The following FHL5 variants were observed in gnomAD, a reference collection of about 807,000 sequenced individuals.
The protein encoded by FHL5 is four and a half LIM domains 5.
A neutral mutation model predicts 32.0 loss-of-function variants in FHL5; 33 were observed. That is an observed-to-expected ratio of 1.03 (90% CI 0.78 to 1.38). The LOEUF (loss-of-function observed/expected upper bound fraction) is 1.38, where lower values mean the gene tolerates loss of function less well. Ranked by LOEUF, FHL5 falls within the 40% of genes most tolerant of loss-of-function variation. The probability of loss-of-function intolerance (pLI) is 0.00; values close to 1 mark genes in which losing one functional copy is unlikely to be tolerated. For synonymous variants in FHL5, 114 were observed against 113.6 expected, an observed-to-expected ratio of 1.00 and a Z score of -0.02; for missense variants, 336 against 343.9, an observed-to-expected ratio of 0.98 and a Z score of 0.18.
intron 1 of FHL5, among the ~76,000 whole-genome samples, chr6:96,582,501 T>G (rs749271344): frequency 1.2e-4 from 18 of 152,210 alleles, no homozygotes; most frequent in Non-Finnish European, 2.2e-4. Flanking sequence ...TACATGATTC[T>G]AAATGTAAAC....
At chr6:96,603,880 T>TTAATATATATATTTTA (rs1771211775) in intron 2 of FHL5, 108 bp downstream of exon 2, 1 of 849,900 alleles carries the variant, frequency 1.2e-6, no homozygotes, top group Admixed American at 2.4e-5. Context: ...TCTCTGCTAC[T>TTAATATATATATTTTA]GGATATATAA....
chr6:96,569,638 C>T (rs1770432508), intron 1 of FHL5, among the ~76,000 whole-genome samples: 1 of 151,860 alleles, frequency 6.6e-6, no homozygotes, highest in Non-Finnish European at 1.5e-5. Flanking sequence ...ACAATTGTTA[C>T]ATCTTCTTGC....
At chr6:96,587,180 A>C (rs1770816422) in intron 1 of FHL5, among the ~76,000 whole-genome samples, 1 of 152,142 alleles carries the variant, frequency 6.6e-6, no homozygotes, top group Non-Finnish European at 1.5e-5. Flanking sequence ...CTTTAGCTGA[A>C]AAACGCACAA....
chr6:96,613,186 T>A (rs1185305257), intron 5 of FHL5, among the ~76,000 whole-genome samples: 1 of 151,994 alleles, frequency 6.6e-6, no homozygotes, highest in Admixed American at 6.6e-5. Context: ...CCACAATGCA[T>A]ACATATACAA....
At position 96,605,974 on chromosome 6, in the gene FHL5, C is replaced by A; in HGVS notation, c.407C>A (p.Pro136His). The A allele has an allele frequency of 6.2e-7, 1 of 1,614,048 alleles. No homozygotes were observed. ...TTTGTGTGTGAGAATTGCCGACAAC[C>A]TATAGGGACAAAGCCTTTGATCTCC... The part of the protein sequence containing the change: ...TCFVCENCRQ[P>H]IGTKPLISKE... Residue 136 changes from proline to histidine, a missense_variant, in exon 4 of 6, where the codon CCT becomes CAT. Transcript: ENST00000450218.
At chr6:96,584,313 G>A (rs757175100) in intron 1 of FHL5, among the ~76,000 whole-genome samples, 2 of 152,128 alleles carry the variant, frequency 1.3e-5, no homozygotes, top group Admixed American at 1.3e-4. Flanking sequence ...GGTAGATGGG[G>A]AGCAAAGAGA....
rs1017639107 is a variant in FHL5, at chr6:96,586,033, G to GA, written c.-12-17561dup. On this transcript the variant is annotated intron_variant, in intron 1 of 5. Coordinates refer to ENST00000450218, the MANE Select transcript of FHL5 (RefSeq NM_001322466.2). ...AAACGAGAGGGGAGAGGGAAGAAAG[G>GA]AAAAAAAAGAAATAACTTCATTGTC... Among the ~76,000 whole-genome samples the GA allele has an allele frequency of 4.6e-4, 70 of 151,686 alleles. 1 individual carries two copies. Among genetic ancestry groups the GA allele is most frequent in the Non-Finnish European group, 8.8e-5 (6 of 67,864 alleles).
chr6:96,569,683 A>G (rs1306084889), intron 1 of FHL5, among the ~76,000 whole-genome samples: 2 of 151,858 alleles, frequency 1.3e-5, no homozygotes, highest in East Asian at 3.9e-4. Context: ...TTTTGTTTAA[A>G]GTCTGCTTTA....
chr6:96,583,466 C>A (rs555438452), intron 1 of FHL5, among the ~76,000 whole-genome samples: 1 of 152,114 alleles, frequency 6.6e-6, no homozygotes, highest in Non-Finnish European at 1.5e-5. Flanking sequence ...TCATAGATAT[C>A]AATGGACAAT....
intron 5 of FHL5, 104 bp downstream of exon 5, chr6:96,610,862 C>G: frequency 1.2e-6 from 1 of 800,510 alleles, no homozygotes; most frequent in East Asian, 2.5e-5. Flanking sequence ...GGAAGCTTTC[C>G]TTTATATTTC....
Position 96,605,988 on chromosome 6 carries a change from C to G in FHL5, c.421C>G (p.Pro141Ala), listed in dbSNP as rs1338110178. ...ENCRQPIGTKPLISKESGNYC... is the reference protein window; with the variant it reads ...ENCRQPIGTKALISKESGNYC... ...TTGCCGACAACCTATAGGGACAAAG[C>G]CTTTGATCTCCAAAGAGAGTGGCAA... Residue 141 changes from proline to alanine, a missense_variant, in exon 4 of 6, where the codon CCT (proline) becomes GCT (alanine). Coordinates refer to ENST00000450218, the MANE Select transcript of FHL5 (RefSeq NM_001322466.2). 5 of 1,613,834 alleles carry G rather than the reference C, an allele frequency of 3.1e-6. No individual in the cohort carries two copies. The highest frequency in any genetic ancestry group is 3.4e-6 in the Non-Finnish European group (4 of 1,179,930).
intron 1 of FHL5, among the ~76,000 whole-genome samples, chr6:96,578,130 T>G (rs1770621551): frequency 6.6e-6 from 1 of 152,158 alleles, no homozygotes; most frequent in Non-Finnish European, 1.5e-5. Flanking sequence ...TTAAGAGGCT[T>G]TATCTCTAAA....
chr6:96,586,605 A>G (rs1050948366), intron 1 of FHL5, among the ~76,000 whole-genome samples: 2 of 152,196 alleles, frequency 1.3e-5, no homozygotes, highest in African/African-American at 4.8e-5. Flanking sequence ...CAGTTTACAA[A>G]TGGATAACTT....
intron 1 of FHL5, among the ~76,000 whole-genome samples, chr6:96,597,228 A>G (rs1771054054): frequency 6.6e-6 from 1 of 151,598 alleles, no homozygotes; most frequent in South Asian, 2.1e-4. Flanking sequence ...ATATGTATAC[A>G]TGTGTTTAAC....
chr6:96,610,425 G>A, intron 4 of FHL5, 147 bp from the exon 5 acceptor site: 1 of 622,530 alleles, frequency 1.6e-6, no homozygotes, highest in South Asian at 2.4e-5. Context: ...AAAAGCACCA[G>A]TTGTGGCATA....
rs148141834 is a variant in FHL5 at position 96,566,530 on chromosome 6, G to A, written c.-13+3175G>A. Among the ~76,000 whole-genome samples the A allele has an allele frequency of 3.7e-3, 558 of 152,084 alleles. 2 individuals carry two copies. The highest frequency in any genetic ancestry group is 0.013 in the African/African-American group (525 of 41,550). ...TGGATATATACCCAGTAGTGGGATTGTTGGATCATACGGTAGTTCTATTTT... is the reference window on the plus strand; with the variant it reads ...TGGATATATACCCAGTAGTGGGATTATTGGATCATACGGTAGTTCTATTTT... On this transcript the variant is annotated intron_variant, in intron 1 of 5. Transcript: ENST00000450218.
At chr6:96,595,218 A>G (rs1771011218) in intron 1 of FHL5, among the ~76,000 whole-genome samples, 3 of 151,570 alleles carry the variant, frequency 2.0e-5, no homozygotes, top group African/African-American at 7.3e-5. Flanking sequence ...ATGTCATCCT[A>G]TTCTTTAAAT....
intron 1 of FHL5, among the ~76,000 whole-genome samples, chr6:96,584,047 A>C (rs1353171391): frequency 6.6e-6 from 1 of 152,170 alleles, no homozygotes; most frequent in Non-Finnish European, 1.5e-5. Context: ...TAAAACATTT[A>C]CTGAGATCAT....
intron 1 of FHL5, among the ~76,000 whole-genome samples, chr6:96,576,827 A>C (rs1156489448): frequency 1.3e-5 from 2 of 152,246 alleles, no homozygotes; most frequent in Non-Finnish European, 2.9e-5. Flanking sequence ...TTAAGAATTC[A>C]CATATTAAGT....
Sources: gnomAD v4.1 joint callset for allele counts (sites outside exome capture counted in the v4.1 genomes callset) on GRCh38, gnomAD v4.1.1 for gene constraint, MANE v1.5 for transcripts, NCBI Gene and HGNC (gene_info 2026-07-23, HGNC 2026-07-21) for gene names.